The following SLC39A9 variants were observed in gnomAD, a reference collection of about 807,000 sequenced individuals.
SLC39A9 encodes solute carrier family 39 member 9, also known as zinc transporter ZIP9.
A neutral mutation model predicts 28.4 loss-of-function variants in SLC39A9; 14 were observed. The ratio of observed to expected loss-of-function variants is 0.49; its 90% CI spans 0.33 to 0.77. The LOEUF (loss-of-function observed/expected upper bound fraction) is 0.77. SLC39A9 is among the 30% of genes least tolerant of loss of function. The pLI, the probability that SLC39A9 is intolerant of heterozygous loss-of-function variation, is 0.02. For synonymous variants in SLC39A9, 119 were observed against 149.6 expected, an observed-to-expected ratio of 0.80 and a Z score of 1.49; for missense variants, 283 against 381.1, an observed-to-expected ratio of 0.74 and a Z score of 2.14.
At chr14:69,434,083 CTTTT>C (rs570635766) in intron 2 of SLC39A9, among the ~76,000 whole-genome samples, 4 of 128,320 alleles carry the variant, frequency 3.1e-5, no homozygotes, top group Admixed American at 7.8e-5. Context: ...CTTTTCTTTT[CTTTT>C]TTTTTTTTTT....
chr14:69,439,133 C>T (rs1229935346), intron 2 of SLC39A9, among the ~76,000 whole-genome samples: 1 of 152,094 alleles, frequency 6.6e-6, no homozygotes, highest in Admixed American at 6.5e-5. Context: ...CATTTTTATA[C>T]ACTAACAATG....
chr14:69,446,886 A>G (rs919427173), intron 3 of SLC39A9, among the ~76,000 whole-genome samples: 3 of 146,928 alleles, frequency 2.0e-5, no homozygotes, highest in African/African-American at 7.4e-5. Context: ...AAAAAAAAAA[A>G]AAAGAAAAAG....
In SLC39A9 at chr14:69,459,867, A is replaced by G; in HGVS notation, c.*1274A>G. 1.0e-6 allele frequency: 1 copy of G among 985,186 alleles called. No homozygotes were observed. Among genetic ancestry groups the G allele is most frequent in the South Asian group, 4.7e-5 (1 of 21,282 alleles). The allele number at this position is 985,186 out of a possible 1,614,324, so 61.0% of individuals were successfully genotyped here. The stretch of plus-strand genomic sequence containing the variant: ...GACAACCACTTCTCGAACTGTAATA[A>G]TGAAGATAATAATATCTTTATTCTT... On this transcript the variant is annotated 3_prime_UTR_variant, in exon 7 of 7. Transcript: ENST00000336643.
intron 3 of SLC39A9, among the ~76,000 whole-genome samples, chr14:69,446,095 A>G (rs1373121559): frequency 6.6e-6 from 1 of 152,084 alleles, no homozygotes; most frequent in South Asian, 2.1e-4. Context: ...TAGATGTTTT[A>G]TAGGATTGAG....
chr14:69,435,232 A>G (rs1032128869), intron 2 of SLC39A9, among the ~76,000 whole-genome samples: 1 of 152,214 alleles, frequency 6.6e-6, no homozygotes, highest in African/African-American at 2.4e-5. Context: ...CTCTTTGGTT[A>G]GGTACCTACA....
chr14:69,456,985 T>C (rs8013221), intron 6 of SLC39A9, among the ~76,000 whole-genome samples: 18,779 of 152,202 alleles, frequency 0.12, 1,381 homozygotes, highest in Middle Eastern at 0.24. Context: ...CTCTATCACT[T>C]CAGTAATCAG....
At position 69,442,093 on chromosome 14, in the gene SLC39A9, C is replaced by T; in HGVS notation, c.230C>T (p.Thr77Ile). The T allele has an allele frequency of 1.9e-6, 3 of 1,614,152 alleles. No individual in the cohort carries two copies. The highest frequency in any genetic ancestry group is 2.5e-6 in the Non-Finnish European group (3 of 1,180,002). The change falls in exon 3 of 7, where the codon ACA becomes ATA. Residue 77 changes from threonine to isoleucine, a missense_variant. Physicochemically the swap from Thr to Ile is moderately conservative, Grantham distance 89 (BLOSUM62 -1). Coordinates refer to ENST00000336643, the MANE Select transcript of SLC39A9 (RefSeq NM_018375.5). ...GGAAAACACCACCAAGCAAGTGAAA[C>T]ACATAATGTGATTGCATCAGACAAA... ...LEGKHHQASE[T>I]HNVIASDKAA...
intron 2 of SLC39A9, among the ~76,000 whole-genome samples, chr14:69,440,874 AT>A (rs1965053341): frequency 6.6e-6 from 1 of 152,110 alleles, no homozygotes; most frequent in African/African-American, 2.4e-5. Context: ...GGGATTCACC[AT>A]GTTGGCCTTG....
chr14:69,449,090 T>C (rs1447302636), intron 3 of SLC39A9, among the ~76,000 whole-genome samples: 2 of 152,182 alleles, frequency 1.3e-5, no homozygotes, highest in African/African-American at 4.8e-5. Context: ...AACAAAATAA[T>C]TTTGGTCTAG....
At chr14:69,458,262 A>T in intron 6 of SLC39A9, 101 bp from the exon 7 acceptor site, 1 of 1,461,676 alleles carries the variant, frequency 6.8e-7, no homozygotes, top group Non-Finnish European at 9.3e-7. Flanking sequence ...TGTCCTAGAC[A>T]GCACCAGTTA....
At chr14:69,452,861 C>T (rs1885679338) in intron 3 of SLC39A9, among the ~76,000 whole-genome samples, 1 of 151,970 alleles carries the variant, frequency 6.6e-6, no homozygotes, top group Non-Finnish European at 1.5e-5. Context: ...TGATCAGAGG[C>T]CATAGATCAC....
At chr14:69,444,878 A>G (rs141349888) in intron 3 of SLC39A9, among the ~76,000 whole-genome samples, 1 of 152,138 alleles carries the variant, frequency 6.6e-6, no homozygotes, top group African/African-American at 2.4e-5. Context: ...CTGAGGTAGG[A>G]TGATTACTTG....
At chr14:69,407,858 G>A (rs1883029513) in intron 1 of SLC39A9, among the ~76,000 whole-genome samples, 1 of 144,986 alleles carries the variant, frequency 6.9e-6, no homozygotes, top group South Asian at 2.2e-4. Context: ...GGCTAGTCTT[G>A]AACTCCCGAC....
intron 1 of SLC39A9, among the ~76,000 whole-genome samples, chr14:69,401,464 T>C (rs1000469593): frequency 9.2e-5 from 14 of 152,216 alleles, no homozygotes; most frequent in East Asian, 3.8e-4. Flanking sequence ...TTTAAACATA[T>C]TGAAGTAACA....
At chr14:69,411,409 T>C (rs1883258874) in intron 1 of SLC39A9, among the ~76,000 whole-genome samples, 1 of 152,146 alleles carries the variant, frequency 6.6e-6, no homozygotes, top group South Asian at 2.1e-4. Flanking sequence ...TTAATGTATC[T>C]AGCAGATCCT....
rs957555586 is a variant in SLC39A9, at chr14:69,461,503, C to T, written c.*2910C>T. On this transcript the variant is annotated 3_prime_UTR_variant, in exon 7 of 7. Coordinates refer to ENST00000336643, the MANE Select transcript of SLC39A9 (RefSeq NM_018375.5). ...GAGGTTATGTGTTTTCTCTTTCTCCCCGCTTTCACCTCTTTCTTTCCCAAT... is the reference window on the plus strand; with the variant it reads ...GAGGTTATGTGTTTTCTCTTTCTCCTCGCTTTCACCTCTTTCTTTCCCAAT... The T allele has an allele frequency of 7.0e-7, 1 of 1,429,624 alleles. No homozygotes were observed. The highest frequency in any genetic ancestry group is 9.1e-7 in the Non-Finnish European group (1 of 1,095,238). 88.6% of individuals were successfully genotyped at this position (1,429,624 alleles called of 1,614,324 possible).
intron 2 of SLC39A9, among the ~76,000 whole-genome samples, chr14:69,426,061 A>T (rs1412411389): frequency 6.6e-6 from 1 of 152,200 alleles, no homozygotes; most frequent in Non-Finnish European, 1.5e-5. Context: ...CTCACACCAC[A>T]ACAATCATAA....
rs149278763 is a variant in SLC39A9 at position 69,437,621 on chromosome 14, A to T, written c.206-4448A>T. On this transcript the variant is annotated intron_variant, in intron 2 of 6. Transcript: ENST00000336643. ...TTTTTTTTTTTTGAGACGGAGTCTC[A>T]CTCTGTCGCCCAGGCTGGAGTGCAG... Among the ~76,000 whole-genome samples the T allele has an allele frequency of 2.7e-5, 4 of 148,870 alleles. No homozygotes were observed. The East Asian group carries it at 7.9e-4, about 29-fold the overall frequency.
chr14:69,427,102 AG>A (rs1566914921), intron 2 of SLC39A9, among the ~76,000 whole-genome samples: 2 of 150,314 alleles, frequency 1.3e-5, no homozygotes, highest in Admixed American at 6.7e-5. Context: ...CCCCAGGTTC[AG>A]GTGACCCTCC....
Sources: gnomAD v4.1 joint callset for allele counts (sites outside exome capture counted in the v4.1 genomes callset) on GRCh38, gnomAD v4.1.1 for gene constraint, MANE v1.5 for transcripts, NCBI Gene and HGNC (gene_info 2026-07-23, HGNC 2026-07-21) for gene names.